The following SIPA1L1 variants were observed in gnomAD, a reference collection of about 807,000 sequenced individuals.
The protein encoded by SIPA1L1 is signal-induced proliferation-associated 1-like protein 1.
In SIPA1L1, 26 loss-of-function variants were observed where a neutral mutation model predicts 162.7. The ratio of observed to expected loss-of-function variants is 0.16; its 90% CI spans 0.12 to 0.22. The LOEUF (loss-of-function observed/expected upper bound fraction) is 0.22, where lower values mean the gene tolerates loss of function less well. Ranked by LOEUF, SIPA1L1 falls within the 10% of genes least tolerant of loss-of-function variation. The pLI is 1.00. For missense variants in SIPA1L1, 1,874 were observed against 2,241.0 expected, an observed-to-expected ratio of 0.84 and a Z score of 3.31; for synonymous variants, 829 against 837.4, an observed-to-expected ratio of 0.99 and a Z score of 0.17.
At chr14:71,487,727 T>G (rs2048888413) in intron 2 of SIPA1L1, among the ~76,000 whole-genome samples, 1 of 152,182 alleles carries the variant, frequency 6.6e-6, no homozygotes. Flanking sequence ...ACAGCAGTTT[T>G]TCACCATGCT....
At chr14:71,505,960 T>C (rs767844199) in intron 2 of SIPA1L1, among the ~76,000 whole-genome samples, 211 of 137,840 alleles carry the variant, frequency 1.5e-3, no homozygotes, top group Non-Finnish European at 2.6e-3. Flanking sequence ...ATGCAAATAT[T>C]CCCCCCCCCC....
intron 2 of SIPA1L1, among the ~76,000 whole-genome samples, chr14:71,492,693 T>C (rs2049380301): frequency 6.6e-6 from 1 of 152,098 alleles, no homozygotes; most frequent in Non-Finnish European, 1.5e-5. Context: ...GGCACAATTA[T>C]GGTTCACTCC....
chr14:71,620,130 C>A (rs1423595683), intron 6 of SIPA1L1, among the ~76,000 whole-genome samples: 1 of 152,158 alleles, frequency 6.6e-6, no homozygotes, highest in African/African-American at 2.4e-5. Flanking sequence ...AGTGCAATGG[C>A]GCGATCTTGG....
At chr14:71,522,753 G>T (rs1052576868) in intron 3 of SIPA1L1, among the ~76,000 whole-genome samples, 21 of 151,406 alleles carry the variant, frequency 1.4e-4, no homozygotes, top group Non-Finnish European at 2.8e-4. Context: ...GAGTGCAGTG[G>T]CACGATCTCG....
intron 2 of SIPA1L1, chr14:71,414,036 A>G (rs914148380): frequency 1.3e-5 from 2 of 152,182 alleles, no homozygotes; most frequent in Admixed American, 6.5e-5. Context: ...GATTAGTTCC[A>G]AAGTCACATT....
chr14:71,485,620 A>G (rs2048693868), intron 2 of SIPA1L1, among the ~76,000 whole-genome samples: 2 of 151,986 alleles, frequency 1.3e-5, no homozygotes, highest in South Asian at 4.2e-4. Flanking sequence ...CACTGACTCT[A>G]CATTGTGGTG....
At chr14:71,408,669 G>A (rs1261606704) in intron 2 of SIPA1L1, among the ~76,000 whole-genome samples, 1 of 152,060 alleles carries the variant, frequency 6.6e-6, no homozygotes, top group Non-Finnish European at 1.5e-5. Context: ...CCCTGGTTTT[G>A]GAACTACACT....
chr14:71,607,028 G>A (rs2037608385), intron 5 of SIPA1L1, among the ~76,000 whole-genome samples: 1 of 151,994 alleles, frequency 6.6e-6, no homozygotes, highest in Admixed American at 6.6e-5. Context: ...GATGATTGAA[G>A]CTTAAATAGC....
intron 2 of SIPA1L1, among the ~76,000 whole-genome samples, chr14:71,414,269 C>T (rs752489499): frequency 3.7e-4 from 56 of 152,258 alleles, no homozygotes; most frequent in Non-Finnish European, 6.0e-4. Context: ...ATCTCAGCTA[C>T]TTGGGAGGCT....
chr14:71,495,469 G>A (rs1344046298), intron 2 of SIPA1L1, among the ~76,000 whole-genome samples: 1 of 151,440 alleles, frequency 6.6e-6, no homozygotes, highest in Non-Finnish European at 1.5e-5. Flanking sequence ...AGGGTCAATA[G>A]TGATGCTCCC....
chr14:71,362,577 T>C (rs542086632), intron 2 of SIPA1L1, among the ~76,000 whole-genome samples: 1 of 152,330 alleles, frequency 6.6e-6, no homozygotes, highest in South Asian at 2.1e-4. Context: ...TTTAACAAAT[T>C]TACGGAAATT....
At chr14:71,482,692 C>T (rs2048442602) in intron 2 of SIPA1L1, among the ~76,000 whole-genome samples, 2 of 152,120 alleles carry the variant, frequency 1.3e-5, no homozygotes, top group African/African-American at 4.8e-5. Context: ...ATGTATTTAA[C>T]CTCTTAAGCT....
intron 2 of SIPA1L1, among the ~76,000 whole-genome samples, chr14:71,475,729 T>A (rs1230604844): frequency 1.3e-5 from 2 of 152,204 alleles, no homozygotes; most frequent in Non-Finnish European, 2.9e-5. Flanking sequence ...CAGAGCTATG[T>A]ACATAGGACA....
intron 12 of SIPA1L1, among the ~76,000 whole-genome samples, chr14:71,675,886 A>C (rs2045115442): frequency 6.6e-6 from 1 of 152,144 alleles, no homozygotes; most frequent in Non-Finnish European, 1.5e-5. Context: ...TACAAACACA[A>C]ATGGATTTGT....
At chr14:71,351,750 T>G (rs1048949099) in intron 2 of SIPA1L1, among the ~76,000 whole-genome samples, 2 of 152,108 alleles carry the variant, frequency 1.3e-5, no homozygotes, top group African/African-American at 4.8e-5. Context: ...CTGTAAGAAT[T>G]TATGGCTTGA....
chr14:71,366,605 G>C (rs2038321903), intron 2 of SIPA1L1, among the ~76,000 whole-genome samples: 1 of 151,852 alleles, frequency 6.6e-6, no homozygotes, highest in Admixed American at 6.6e-5. Context: ...GGCTAATTTT[G>C]TTTTTGTATT....
chr14:71,378,964 C>T (rs1213954578), intron 2 of SIPA1L1, among the ~76,000 whole-genome samples: 1 of 151,994 alleles, frequency 6.6e-6, no homozygotes, highest in Non-Finnish European at 1.5e-5. Flanking sequence ...CTGTTTGGGC[C>T]CTGCCATTTC....
At chr14:71,366,464 G>A (rs755118051) in intron 2 of SIPA1L1, among the ~76,000 whole-genome samples, 6 of 151,934 alleles carry the variant, frequency 3.9e-5, no homozygotes, top group Non-Finnish European at 7.4e-5. Flanking sequence ...TTGAGATGGA[G>A]CTCGCTCTGA....
chr14:71,566,576 T>C (rs1248159700), intron 4 of SIPA1L1, among the ~76,000 whole-genome samples: 1 of 152,186 alleles, frequency 6.6e-6, no homozygotes, highest in South Asian at 2.1e-4. Flanking sequence ...GACCTCCACA[T>C]GCACGGGAAC....
Sources: gnomAD v4.1 joint callset for allele counts (sites outside exome capture counted in the v4.1 genomes callset) on GRCh38, gnomAD v4.1.1 for gene constraint, MANE v1.5 for transcripts, NCBI Gene and HGNC (gene_info 2026-07-23, HGNC 2026-07-21) for gene names.